The following NXPE4 variants were observed in gnomAD, a reference collection of about 807,000 sequenced individuals.
NXPE4 encodes the protein NXPE family member 4.
In NXPE4, 42 loss-of-function variants were observed where a neutral mutation model predicts 33.3. The observed-to-expected ratio is 1.26, with a 90% CI of 0.98 to 1.63. The LOEUF (loss-of-function observed/expected upper bound fraction) is 1.63, where lower values mean the gene tolerates loss of function less well. Ranked by LOEUF, NXPE4 falls within the 40% of genes most tolerant of loss-of-function variation. The pLI is 0.00. For missense variants in NXPE4, 709 were observed against 647.6 expected, an observed-to-expected ratio of 1.09 and a Z score of -1.03; for synonymous variants, 253 against 234.9, an observed-to-expected ratio of 1.08 and a Z score of -0.71.
the NXPE4 span, among the ~76,000 whole-genome samples, chr11:114,661,963 T>G: frequency 6.6e-6 from 1 of 152,146 alleles, no homozygotes; most frequent in African/African-American, 2.4e-5. Context: ...TAAAAGGACC[T>G]GTAGGAGGTG....
the NXPE4 span, among the ~76,000 whole-genome samples, chr11:114,607,184 G>A: frequency 6.6e-6 from 1 of 151,642 alleles, no homozygotes; most frequent in Non-Finnish European, 1.5e-5. Flanking sequence ...TTGCATCGTG[G>A]GTGACAATTC....
At chr11:114,584,229 T>C in intron 2 of NXPE4, 1 of 423,684 alleles carries the variant, frequency 2.4e-6, no homozygotes, top group Non-Finnish European at 4.7e-6. Flanking sequence ...TGGAGATCCC[T>C]AATGAGCCTT....
the NXPE4 span, among the ~76,000 whole-genome samples, chr11:114,611,869 T>G: frequency 2.0e-5 from 3 of 150,492 alleles, no homozygotes; most frequent in Non-Finnish European, 4.4e-5. Context: ...TTACCTGGTG[T>G]ATGAGAAATA....
chr11:114,584,323 G>A, intron 2 of NXPE4: 1 of 492,938 alleles, frequency 2.0e-6, no homozygotes, highest in Admixed American at 2.2e-5. Context: ...GAACACTAAT[G>A]AGTACCTGGA....
At chr11:114,655,846 T>C in the NXPE4 span, among the ~76,000 whole-genome samples, 43,390 of 152,062 alleles carry the variant, frequency 0.29, 6,549 homozygotes, top group East Asian at 0.41. Context: ...CAATACTGAA[T>C]GGGCAAAAGC....
At chr11:114,577,045 TTATATA>T (rs370201249) in intron 5 of NXPE4, among the ~76,000 whole-genome samples, 7 of 25,838 alleles carry the variant, frequency 2.7e-4, no homozygotes, top group African/African-American at 1.3e-3. Context: ...ATATATAAAG[TTATATA>T]TATATACATA....
At chr11:114,661,453 GC>G in the NXPE4 span, among the ~76,000 whole-genome samples, 1 of 152,184 alleles carries the variant, frequency 6.6e-6, no homozygotes, top group Non-Finnish European at 1.5e-5. Context: ...TGGTGAGCCA[GC>G]CTCTAAGGTT....
At chr11:114,632,666 GTATA>G in the NXPE4 span, among the ~76,000 whole-genome samples, 3 of 81,974 alleles carry the variant, frequency 3.7e-5, no homozygotes, top group African/African-American at 5.0e-5. Context: ...TAAATATATA[GTATA>G]TATATTTATA....
At chr11:114,648,379 G>T in the NXPE4 span, among the ~76,000 whole-genome samples, 16 of 152,182 alleles carry the variant, frequency 1.1e-4, no homozygotes, top group African/African-American at 3.9e-4. Flanking sequence ...ATCTCAGTGT[G>T]AAGGCATTCA....
At chr11:114,590,357 G>C (rs1036294302) in intron 2 of NXPE4, among the ~76,000 whole-genome samples, 5 of 152,212 alleles carry the variant, frequency 3.3e-5, no homozygotes, top group Non-Finnish European at 7.3e-5. Context: ...AGCATTAGGG[G>C]AAGAAAGAAT....
the NXPE4 span, among the ~76,000 whole-genome samples, chr11:114,621,482 A>G: frequency 6.6e-6 from 1 of 152,032 alleles, no homozygotes; most frequent in Non-Finnish European, 1.5e-5. Flanking sequence ...CTCATGGGTA[A>G]CCTCTATTAC....
At chr11:114,659,459 G>GAA in the NXPE4 span, among the ~76,000 whole-genome samples, 6 of 145,696 alleles carry the variant, frequency 4.1e-5, no homozygotes, top group African/African-American at 1.3e-4. Context: ...AAAGAGTGAA[G>GAA]AAAAAAAAAA....
At chr11:114,622,352 G>C in the NXPE4 span, among the ~76,000 whole-genome samples, 2 of 151,822 alleles carry the variant, frequency 1.3e-5, no homozygotes, top group African/African-American at 2.4e-5. Context: ...GTGTTGCCTC[G>C]TGGGTAACCA....
Position 114,582,542 on chromosome 11 carries a change from C to A in NXPE4, c.576G>T (p.Trp192Cys). The change falls in exon 3 of 6, where the codon TGG (tryptophan) becomes TGT (cysteine). Residue 192 changes from tryptophan (W) to cysteine (C), a missense_variant. By Grantham distance (215) the Trp-to-Cys change is radical (BLOSUM62 -2). Coordinates refer to ENST00000375478, the MANE Select transcript of NXPE4 (RefSeq NM_001077639.2). ...TGTCATAGCCTTGGTTCCTTGCACT[C>A]CAGAGAGCTGACACCCCTTCACTGG... ...IHPSEGVSAL[W>C]SARNQGYDRV... 1 of 1,614,152 alleles carries A rather than the reference C, an allele frequency of 6.2e-7. No homozygotes were observed.
chr11:114,584,166 T>C (rs1591341887), intron 2 of NXPE4: 2 of 307,736 alleles, frequency 6.5e-6, no homozygotes, highest in East Asian at 1.9e-4. Context: ...GGTTACACCA[T>C]TTATAATGTT....
chr11:114,666,791 G>T, the NXPE4 span, among the ~76,000 whole-genome samples: 1 of 152,148 alleles, frequency 6.6e-6, no homozygotes, highest in South Asian at 2.1e-4. Flanking sequence ...TAGAGTATTG[G>T]TCTTTTCCTT....
the NXPE4 span, among the ~76,000 whole-genome samples, chr11:114,602,560 A>T: frequency 7.2e-6 from 1 of 139,442 alleles, no homozygotes; most frequent in Non-Finnish European, 1.5e-5. Context: ...TATAGATTAT[A>T]TCATTTATAA....
the NXPE4 span, among the ~76,000 whole-genome samples, chr11:114,611,642 G>C: frequency 6.8e-6 from 1 of 146,230 alleles, no homozygotes; most frequent in African/African-American, 2.6e-5. Context: ...CTCGTGTGTA[G>C]CCACTGTTAC....
the NXPE4 span, among the ~76,000 whole-genome samples, chr11:114,651,064 G>A: frequency 1.3e-5 from 2 of 151,510 alleles, no homozygotes; most frequent in Admixed American, 1.3e-4. Context: ...ATAATAGCTA[G>A]CATAATGTAT....
Sources: allele counts gnomAD v4.1 joint callset (sites outside exome capture counted in the v4.1 genomes callset), GRCh38; gene constraint gnomAD v4.1.1; transcripts MANE v1.5; gene names NCBI Gene and HGNC (gene_info 2026-07-23, HGNC 2026-07-21).